VPS13B: variants seen among roughly 807,000 people sequenced by gnomAD.
VPS13B encodes intermembrane lipid transfer protein VPS13B.
A neutral mutation model predicts 426.4 loss-of-function variants in VPS13B; 285 were observed. That is an observed-to-expected ratio of 0.67 (90% confidence interval 0.61 to 0.74). The LOEUF (loss-of-function observed/expected upper bound fraction) is 0.74, where lower values mean the gene tolerates loss of function less well. Among genes scored for constraint, VPS13B ranks in the 30% least tolerant of loss-of-function variants. The probability of loss-of-function intolerance (pLI) is 0.00; values close to 1 mark genes in which losing one functional copy is unlikely to be tolerated. For synonymous variants in VPS13B, 1,676 were observed against 1,676.4 expected (o/e 1.00, Z 0.01); for missense variants, 4,537 against 4,782.6 (o/e 0.95, Z 1.51).
chr8:99,779,169 T>C (rs372070020), intron 42 of VPS13B, 138 bp downstream of exon 42: 2 of 883,766 alleles, frequency 2.3e-6, no homozygotes, highest in Non-Finnish European at 1.8e-6. Context: ...ACCATTATAC[T>C]TGAGGCCTTC....
chr8:99,314,800 T>G (rs1024164405), intron 19 of VPS13B, among the ~76,000 whole-genome samples: 13 of 152,186 alleles, frequency 8.5e-5, no homozygotes, highest in Admixed American at 1.3e-4. Flanking sequence ...TCTGGGTGCT[T>G]GGTGTTGGGT....
chr8:99,222,917 A>G (rs1026502395), intron 17 of VPS13B, among the ~76,000 whole-genome samples: 2 of 152,078 alleles, frequency 1.3e-5, no homozygotes, highest in Admixed American at 6.6e-5. Flanking sequence ...GCTTACAGCA[A>G]CCTCCGCCTC....
At chr8:99,321,693 A>T (rs905377048) in intron 19 of VPS13B, among the ~76,000 whole-genome samples, 1 of 152,206 alleles carries the variant, frequency 6.6e-6, no homozygotes, top group African/African-American at 2.4e-5. Context: ...GGTGAATTTT[A>T]AATTTGTATT....
chr8:99,180,386 G>C (rs867161334), intron 16 of VPS13B, among the ~76,000 whole-genome samples: 1 of 152,128 alleles, frequency 6.6e-6, no homozygotes, highest in South Asian at 2.1e-4. Flanking sequence ...TCTACATGCT[G>C]GGAATGCAGT....
At chr8:99,252,869 A>G (rs1817570096) in intron 17 of VPS13B, among the ~76,000 whole-genome samples, 1 of 152,118 alleles carries the variant, frequency 6.6e-6, no homozygotes, top group South Asian at 2.1e-4. Context: ...CAGCTATTTT[A>G]AAGTATACAA....
In VPS13B at chr8:99,349,109, G is replaced by A. The variant is rs561153228; in HGVS notation, c.2825-35099G>A. Among the ~76,000 whole-genome samples, 13 of 150,944 alleles carry A rather than the reference G, an allele frequency of 8.6e-5. No homozygotes were observed. The East Asian group carries it at 1.4e-3, about 16-fold the overall frequency. Reference sequence around the variant, plus strand: ...AGCACTTTGGGAGGCCGAGGCGGGCGGATCACGAGGTCAGGAGATCGAGAC... The same window carrying A: ...AGCACTTTGGGAGGCCGAGGCGGGCAGATCACGAGGTCAGGAGATCGAGAC... On this transcript the variant is annotated intron_variant, in intron 19 of 61. Transcript: ENST00000357162.
intron 30 of VPS13B, among the ~76,000 whole-genome samples, chr8:99,533,783 C>T (rs1337129344): frequency 6.6e-6 from 1 of 152,104 alleles, no homozygotes. Context: ...CAAGGTATGG[C>T]ATCTCTCCTT....
At chr8:99,404,840 G>A (rs1815240038) in intron 21 of VPS13B, among the ~76,000 whole-genome samples, 1 of 152,118 alleles carries the variant, frequency 6.6e-6, no homozygotes, top group Admixed American at 6.5e-5. Context: ...ATGATGATAA[G>A]TTTACCCAGC....
Position 99,362,291 on chromosome 8 carries a change from G to A in VPS13B, c.2825-21917G>A, listed in dbSNP as rs533712641. 5.9e-5 allele frequency among the ~76,000 whole-genome samples: 9 copies of A among 151,884 alleles called. No homozygotes were observed. In the South Asian group the frequency reaches 6.2e-4, roughly 11 times the overall value. On this transcript the variant is annotated intron_variant, in intron 19 of 61. Transcript: ENST00000357162. ...TGAGTAGCTGGGACTACAGGTGCCCGCCACCACACCTGCTAATTTTTTTTA... is the reference window on the plus strand; with the variant it reads ...TGAGTAGCTGGGACTACAGGTGCCCACCACCACACCTGCTAATTTTTTTTA...
At chr8:99,430,603 A>C (rs1239872282) in intron 21 of VPS13B, among the ~76,000 whole-genome samples, 1 of 152,184 alleles carries the variant, frequency 6.6e-6, no homozygotes, top group Non-Finnish European at 1.5e-5. Context: ...GGAAGAACAA[A>C]ATTTTAAATA....
At chr8:99,163,804 A>G (rs1811831561) in intron 15 of VPS13B, among the ~76,000 whole-genome samples, 5 of 152,134 alleles carry the variant, frequency 3.3e-5, no homozygotes. Flanking sequence ...CTGCAAGCTG[A>G]GGGAGTGGGC....
intron 17 of VPS13B, among the ~76,000 whole-genome samples, chr8:99,216,066 A>T (rs1322183472): frequency 6.6e-6 from 1 of 152,230 alleles, no homozygotes; most frequent in Non-Finnish European, 1.5e-5. Flanking sequence ...TTCTTTTAGT[A>T]ACTAAGAAAG....
At chr8:99,726,305 A>G (rs576590973) in intron 39 of VPS13B, among the ~76,000 whole-genome samples, 3 of 152,346 alleles carry the variant, frequency 2.0e-5, no homozygotes, top group African/African-American at 7.2e-5. Flanking sequence ...TAAAATTAGC[A>G]TCTGTTAGAT....
intron 58 of VPS13B, among the ~76,000 whole-genome samples, chr8:99,867,290 C>A (rs1447023264): frequency 1.3e-5 from 2 of 152,212 alleles, no homozygotes; most frequent in Non-Finnish European, 2.9e-5. Context: ...CTAGCTCTCA[C>A]TGTTGGCCTC....
rs557496529 is a variant in VPS13B at position 99,607,706 on chromosome 8, CT to C, written c.5220+30077del. Reference sequence around the variant, plus strand: ...CTAAAAACTTGAGGACCACAGGGAACTTTTATTTATGTGGGTTGGCTATAAC... The same window carrying C: ...CTAAAAACTTGAGGACCACAGGGAACTTTATTTATGTGGGTTGGCTATAAC... On this transcript the variant is annotated intron_variant, in intron 33 of 61. Transcript: ENST00000357162. Among the ~76,000 whole-genome samples the C allele has an allele frequency of 1.7e-4, 26 of 152,214 alleles. No individual in the cohort carries two copies. The East Asian group carries it at 4.4e-3, about 26-fold the overall frequency.
rs1465674453 is a variant in VPS13B at position 99,016,100 on chromosome 8, G to A, written c.147+2165G>A. Among the ~76,000 whole-genome samples, 4 of 152,302 alleles carry A rather than the reference G, an allele frequency of 2.6e-5. No individual in the cohort carries two copies. In the East Asian group the frequency reaches 5.8e-4, roughly 22 times the overall value. ...TTCGTATTGTCAGTACTATTCCATT[G>A]CATAAAGATTCCACAATTTACTTAC... is the stretch of plus-strand genomic sequence containing the variant. On this transcript the variant is annotated intron_variant, in intron 2 of 61. Transcript: ENST00000357162.
At chr8:99,689,262 T>A (rs940541486) in intron 35 of VPS13B, among the ~76,000 whole-genome samples, 3 of 150,840 alleles carry the variant, frequency 2.0e-5, no homozygotes, top group Non-Finnish European at 2.9e-5. Context: ...TTTTACCTCC[T>A]TCAGCATTCA....
chr8:99,385,805 G>C (rs1274689915), intron 20 of VPS13B, among the ~76,000 whole-genome samples: 1 of 152,192 alleles, frequency 6.6e-6, no homozygotes, highest in Non-Finnish European at 1.5e-5. Context: ...GACAGACAGA[G>C]AAGGTTGTTT....
At chr8:99,151,441 C>A (rs1005804005) in intron 14 of VPS13B, among the ~76,000 whole-genome samples, 1 of 152,110 alleles carries the variant, frequency 6.6e-6, no homozygotes, top group Non-Finnish European at 1.5e-5. Flanking sequence ...TGAAGGTCAT[C>A]ATTATACCCA....
Sources: gnomAD v4.1 joint callset for allele counts (sites outside exome capture counted in the v4.1 genomes callset) on GRCh38, gnomAD v4.1.1 for gene constraint, MANE v1.5 for transcripts, NCBI Gene and HGNC (gene_info 2026-07-23, HGNC 2026-07-21) for gene names.